ZBBX: variants seen among roughly 807,000 people sequenced by gnomAD.
ZBBX encodes the protein zinc finger B-box domain-containing protein 1.
ZBBX carries 101 observed loss-of-function variants against 108.5 expected under a neutral mutation model. The observed-to-expected ratio is 0.93, with a 90% CI of 0.79 to 1.10. The LOEUF (loss-of-function observed/expected upper bound fraction) is 1.10, where lower values mean the gene tolerates loss of function less well. Ranked by LOEUF, ZBBX falls within the 50% of genes least tolerant of loss-of-function variation. ZBBX has a pLI of 0.00. For missense variants in ZBBX, 1,009 were observed against 941.4 expected, an observed-to-expected ratio of 1.07 and a Z score of -0.94; for synonymous variants, 356 against 323.4, an observed-to-expected ratio of 1.10 and a Z score of -1.08.
chr3:167,229,901 G>A, the ZBBX span, among the ~76,000 whole-genome samples: 2 of 151,828 alleles, frequency 1.3e-5, no homozygotes, highest in African/African-American at 4.8e-5. Context: ...GAAATTTTAT[G>A]AAGAAAACCC....
At chr3:167,385,423 G>A (rs982087846) in intron 1 of ZBBX, among the ~76,000 whole-genome samples, 1 of 151,994 alleles carries the variant, frequency 6.6e-6, no homozygotes, top group African/African-American at 2.4e-5. Flanking sequence ...AGTTGCTTTG[G>A]ATGAGTGAGT....
At chr3:167,217,457 TA>T in the ZBBX span, among the ~76,000 whole-genome samples, 2,332 of 152,118 alleles carry the variant, frequency 0.015, 64 homozygotes, top group South Asian at 0.022. Context: ...GCTAAAAAGT[TA>T]AAAAATAACA....
At chr3:167,373,286 A>G (rs998464548) in intron 3 of ZBBX, among the ~76,000 whole-genome samples, 1 of 152,220 alleles carries the variant, frequency 6.6e-6, no homozygotes, top group South Asian at 2.1e-4. Flanking sequence ...GCCATTTTAT[A>G]TAAGGAACCT....
At chr3:167,279,147 C>A (rs1429847608) in intron 20 of ZBBX, among the ~76,000 whole-genome samples, 1 of 151,900 alleles carries the variant, frequency 6.6e-6, no homozygotes, top group Admixed American at 6.6e-5. Context: ...CAATATCATA[C>A]TGAATGGGCA....
At chr3:167,356,908 T>G (rs1743670799) in intron 8 of ZBBX, among the ~76,000 whole-genome samples, 1 of 152,194 alleles carries the variant, frequency 6.6e-6, no homozygotes, top group African/African-American at 2.4e-5. Context: ...TCAATGTAAG[T>G]AACATTTGAG....
chr3:167,250,203 G>A (rs971736585), intron 20 of ZBBX, among the ~76,000 whole-genome samples: 1 of 152,128 alleles, frequency 6.6e-6, no homozygotes, highest in Non-Finnish European at 1.5e-5. Context: ...GGCCAACTTG[G>A]TCTTTTATAA....
rs536182264 is a variant in ZBBX, at chr3:167,315,767, A to C, written c.1257T>G (p.Asp419Glu). 1 of 1,608,308 alleles carries C rather than the reference A, an allele frequency of 6.2e-7. No individual in the cohort carries two copies. The highest frequency in any genetic ancestry group is 1.1e-5 in the South Asian group (1 of 90,058). The change falls in exon 15 of 22, where the codon GAT becomes GAG. Residue 419 changes from aspartate (D) to glutamate (E), a missense_variant. Physicochemically the swap from Asp to Glu is conservative, Grantham distance 45. Transcript: ENST00000675490. Reference sequence around the variant, plus strand: ...GGTTTTACCTTCGTTGACTGTCTGCATCAGCTAATTTAACTTTGTAAGGCA... The same window carrying C: ...GGTTTTACCTTCGTTGACTGTCTGCCTCAGCTAATTTAACTTTGTAAGGCA... ...NIVPYKVKLA[D>E]ADSQRSCAFH... is the part of the protein sequence containing the mutation.
intron 2 of ZBBX, among the ~76,000 whole-genome samples, chr3:167,376,013 A>G (rs571023864): frequency 1.8e-4 from 28 of 152,272 alleles, no homozygotes; most frequent in African/African-American, 6.7e-4. Context: ...AGGCCCTCAC[A>G]ATCAAGGGGA....
In ZBBX at chr3:167,282,314, A is replaced by G. The variant is rs1728954695; in HGVS notation, c.2178T>C (p.Leu726=). ...EYIDITDQNE[L]SLDDTTDQHT... Reference sequence around the variant, plus strand: ...GTTGATCAGTAGTGTCATCTAAGGAAAGCTCATTCTGGTCAGTAATATCAA... The same window carrying G: ...GTTGATCAGTAGTGTCATCTAAGGAGAGCTCATTCTGGTCAGTAATATCAA... Residue 726 remains leucine, a synonymous_variant, in exon 20 of 22, where the codon CTT becomes CTC. Coordinates refer to ENST00000675490, the MANE Select transcript of ZBBX (RefSeq NM_001199201.2). 6.2e-7 allele frequency: 1 copy of G among 1,614,066 alleles called. No homozygotes were observed. The highest frequency in any genetic ancestry group is 8.5e-7 in the Non-Finnish European group (1 of 1,179,940).
chr3:167,384,083 A>G (rs1020397932), upstream of ZBBX, among the ~76,000 whole-genome samples: 1 of 152,122 alleles, frequency 6.6e-6, no homozygotes, highest in Non-Finnish European at 1.5e-5. Context: ...CTCTCCTCTT[A>G]ATACCCTCAA....
the ZBBX span, among the ~76,000 whole-genome samples, chr3:167,189,428 A>C: frequency 6.6e-6 from 1 of 152,116 alleles, no homozygotes; most frequent in South Asian, 2.1e-4. Flanking sequence ...TGCTTCTCAG[A>C]AGTTTCAAAA....
intron 1 of ZBBX, among the ~76,000 whole-genome samples, chr3:167,403,709 A>G (rs1012066462): frequency 1.3e-5 from 2 of 152,110 alleles, no homozygotes; most frequent in African/African-American, 4.8e-5. Context: ...GAGGTGGAGT[A>G]TATTAATTCA....
chr3:167,203,711 A>T, the ZBBX span, among the ~76,000 whole-genome samples: 1 of 152,128 alleles, frequency 6.6e-6, no homozygotes. Context: ...ATAAGCAATT[A>T]TCTTCCTGTT....
intron 9 of ZBBX, among the ~76,000 whole-genome samples, chr3:167,347,035 A>G (rs1741594393): frequency 6.6e-6 from 1 of 151,832 alleles, no homozygotes. Context: ...CATCATAAAC[A>G]CTATATCAGC....
chr3:167,217,582 T>G, the ZBBX span, among the ~76,000 whole-genome samples: 1 of 152,174 alleles, frequency 6.6e-6, no homozygotes, highest in African/African-American at 2.4e-5. Flanking sequence ...AAAGCAGAAC[T>G]ACCATTCAAC....
intron 9 of ZBBX, among the ~76,000 whole-genome samples, chr3:167,349,609 T>C (rs1370876623): frequency 6.6e-6 from 1 of 152,050 alleles, no homozygotes; most frequent in East Asian, 1.9e-4. Context: ...ACCAGTAATC[T>C]TTCTAAACAC....
the ZBBX span, among the ~76,000 whole-genome samples, chr3:167,191,705 C>A: frequency 6.6e-6 from 1 of 151,754 alleles, no homozygotes; most frequent in African/African-American, 2.4e-5. Flanking sequence ...TGCCCAGTCT[C>A]TGGTATGTCT....
rs146820286 is a variant in ZBBX at position 167,251,803 on chromosome 3, A to G, written c.2255-9160T>C. 2.4e-3 allele frequency among the ~76,000 whole-genome samples: 364 copies of G among 152,262 alleles called. 2 individuals carry two copies. The highest frequency in any genetic ancestry group is 7.4e-3 in the African/African-American group (306 of 41,550). ...ACAGATTAGGGAAGTAATTTGCCCAATATTATGAAGCTAGTAAGTGGTGGT... is the reference window on the plus strand; with the variant it reads ...ACAGATTAGGGAAGTAATTTGCCCAGTATTATGAAGCTAGTAAGTGGTGGT... On this transcript the variant is annotated intron_variant, in intron 20 of 21. Coordinates refer to ENST00000675490, the MANE Select transcript of ZBBX (RefSeq NM_001199201.2).
At chr3:167,200,568 C>A in the ZBBX span, among the ~76,000 whole-genome samples, 1 of 152,138 alleles carries the variant, frequency 6.6e-6, no homozygotes, top group Non-Finnish European at 1.5e-5. Flanking sequence ...TCTGGATCAA[C>A]CTTCTTTCTT....
Sources: gnomAD v4.1 joint callset for allele counts (sites outside exome capture counted in the v4.1 genomes callset) on GRCh38, gnomAD v4.1.1 for gene constraint, MANE v1.5 for transcripts, NCBI Gene and HGNC (gene_info 2026-07-23, HGNC 2026-07-21) for gene names.